Variants in BAHCC1 observed in about 807,000 individuals in gnomAD.
BAHCC1 encodes BAH domain and coiled-coil containing 1, also known as BAH and coiled-coil domain-containing protein 1.
BAHCC1 carries 43 observed loss-of-function variants against 88.2 expected under a neutral mutation model. That is an observed-to-expected ratio of 0.49 (90% CI 0.38 to 0.63). BAHCC1 has a LOEUF of 0.63. Ranked by LOEUF, BAHCC1 falls within the 20% of genes least tolerant of loss-of-function variation. The pLI is 0.00. For missense variants in BAHCC1, 3,023 were observed against 1,654.8 expected, an observed-to-expected ratio of 1.83 and a Z score of -14.34; for synonymous variants, 1,510 against 745.5, an observed-to-expected ratio of 2.03 and a Z score of -16.71.
In BAHCC1 at chr17:81,399,313, G is replaced by A. The variant is rs2063781836; in HGVS notation, c.-206-221G>A. 4 of 258,424 alleles carry A rather than the reference G, an allele frequency of 1.5e-5. No homozygotes were observed. Among genetic ancestry groups the A allele is most frequent in the South Asian group, 1.1e-4 (4 of 36,594 alleles). The allele number at this position is 258,424 out of a possible 1,614,324, so 16.0% of individuals were successfully genotyped here. A position where few individuals can be genotyped will look rare whatever the true frequency, so the allele number is the denominator to read the frequency against. On this transcript the variant is annotated intron_variant, in intron 1 of 27. Transcript: ENST00000675386. This position sits in a 1 kb window ranked among gnomAD's most constrained non-coding sequence, Gnocchi z 4.5. ...CCCCGGCTGCCCCGGGCCAAGCGTGGCCGGGACGGTGCGTGCGCGCGCGGG... is the reference window on the plus strand; with the variant it reads ...CCCCGGCTGCCCCGGGCCAAGCGTGACCGGGACGGTGCGTGCGCGCGCGGG...
intron 2 of BAHCC1, among the ~76,000 whole-genome samples, chr17:81,426,087 T>G (rs2064192779): frequency 1.4e-5 from 2 of 140,766 alleles, no homozygotes; most frequent in Non-Finnish European, 3.1e-5. Flanking sequence ...GGTGATGTGG[T>G]TGGTGGTGAT....
At chr17:81,416,392 A>T (rs1266239940) in intron 2 of BAHCC1, among the ~76,000 whole-genome samples, 1 of 96,488 alleles carries the variant, frequency 1.0e-5, no homozygotes, top group African/African-American at 4.2e-5. Flanking sequence ...GGATGGGTGT[A>T]TGCGCGTGTG....
At chr17:81,403,472 C>T (rs1339688013) in intron 2 of BAHCC1, among the ~76,000 whole-genome samples, 1 of 101,718 alleles carries the variant, frequency 9.8e-6, no homozygotes, top group African/African-American at 3.5e-5. Flanking sequence ...TGCTTCCTAC[C>T]GCCAATCTCA....
intron 3 of BAHCC1, among the ~76,000 whole-genome samples, chr17:81,427,842 C>T (rs1167454705): frequency 4.6e-5 from 7 of 152,206 alleles, no homozygotes; most frequent in Non-Finnish European, 1.0e-4. Flanking sequence ...GAGCGGCGGG[C>T]GTCGTGTTTA....
rs545122930 is a variant in BAHCC1, at chr17:81,435,342, A to G, written c.359-3028A>G. On this transcript the variant is annotated intron_variant, in intron 3 of 27. Transcript: ENST00000675386. The surrounding 1 kb of genome is among the most constrained non-coding windows in gnomAD (Gnocchi z 4.4). ...TGCAGTCTGTCCCATCACAGGACTG[A>G]GTTTGGAGTCTCCTGCCCACCGCAG... 1.8e-5 allele frequency: 8 copies of G among 436,702 alleles called. No homozygotes were observed. The highest frequency in any genetic ancestry group is 1.3e-4 in the South Asian group (8 of 62,098). 27.1% of individuals were successfully genotyped at this position (436,702 alleles called of 1,614,324 possible).
At chr17:81,409,597 G>C (rs1324028053) in intron 2 of BAHCC1, among the ~76,000 whole-genome samples, 1 of 152,212 alleles carries the variant, frequency 6.6e-6, no homozygotes, top group Admixed American at 6.5e-5. Context: ...AGAGCCAGTG[G>C]CTTCATCTGG....
At chr17:81,406,472 C>CA (rs1233961276) in intron 2 of BAHCC1, among the ~76,000 whole-genome samples, 15 of 151,976 alleles carry the variant, frequency 9.9e-5, no homozygotes, top group Middle Eastern at 3.4e-3. Flanking sequence ...GTGTAACAAG[C>CA]AAAAAAAACA....
chr17:81,456,476 G>T lies in BAHCC1; in HGVS notation c.4749G>T (p.Lys1583Asn). The change falls in exon 16 of 28, where the codon AAG becomes AAT. Residue 1583 changes from lysine to asparagine, a missense_variant. Transcript: ENST00000675386. ...TCCGGGAGAAGCTGTCCCGAGCCAA[G>T]AGTGCCAAGGTGTCTGGGGCCACAC... is the stretch of plus-strand genomic sequence containing the variant. ...GRIREKLSRAKSAKVSGATRH... is the reference protein window; with the variant it reads ...GRIREKLSRANSAKVSGATRH... 1.4e-6 allele frequency: 1 copy of T among 721,082 alleles called. No homozygotes were observed. 44.7% of individuals were successfully genotyped at this position (721,082 alleles called of 1,614,324 possible). A position where few individuals can be genotyped will look rare whatever the true frequency, so the allele number is the denominator to read the frequency against.
chr17:81,455,222 G>A (rs782771029), intron 14 of BAHCC1, 45 bp from the exon 15 acceptor site: 13 of 702,648 alleles, frequency 1.9e-5, no homozygotes, highest in Admixed American at 4.0e-5. Flanking sequence ...AGGCTGGGGC[G>A]GCCGGGCCTG....
At position 81,451,767 on chromosome 17, in the gene BAHCC1, C is replaced by T. The variant is rs879987708; in HGVS notation, c.4076C>T (p.Ala1359Val). ...VEAAGLDSSTAPAQPPTANPC... is the reference protein window; with the variant it reads ...VEAAGLDSSTVPAQPPTANPC... ...GCCGCTGGCCTGGACAGCTCCACTG[C>T]CCCAGCGCAGCCGCCCACAGCCAAC... is the stretch of plus-strand genomic sequence containing the variant. The change falls in exon 12 of 28, where the codon GCC becomes GTC. Residue 1359 changes from alanine to valine, a missense_variant. Ala to Val is a moderately conservative substitution (Grantham distance 64, BLOSUM62 0). Coordinates refer to ENST00000675386, the MANE Select transcript of BAHCC1 (RefSeq NM_001377448.1). 2.6e-6 allele frequency: 2 copies of T among 770,660 alleles called. No individual in the cohort carries two copies. Among genetic ancestry groups the T allele is most frequent in the African/African-American group, 1.7e-5 (1 of 59,110 alleles). 47.7% of individuals were successfully genotyped at this position (770,660 alleles called of 1,614,324 possible). A position where few individuals can be genotyped will look rare whatever the true frequency, so the allele number is the denominator to read the frequency against.
Position 81,411,558 on chromosome 17 carries a change from TCC to T in BAHCC1, c.178+11642_178+11643del, listed in dbSNP as rs782692974. The stretch of plus-strand genomic sequence containing the variant: ...TTCCTTCCTTCCTTCCTTCCTTCCT[TCC>T]TTCCTTCCTTCCTTGAGAGGCCTCT... On this transcript the variant is annotated intron_variant, in intron 2 of 27. Coordinates refer to ENST00000675386, the MANE Select transcript of BAHCC1 (RefSeq NM_001377448.1). The surrounding 1 kb of genome is among the most constrained non-coding windows in gnomAD (Gnocchi z 6.2). 6.6e-5 allele frequency: 27 copies of T among 409,148 alleles called. 1 individual carries two copies. Among genetic ancestry groups the T allele is most frequent in the South Asian group, 4.5e-4 (26 of 58,372 alleles). 25.3% of individuals were successfully genotyped at this position (409,148 alleles called of 1,614,324 possible).
chr17:81,417,002 C>T (rs551921203), intron 2 of BAHCC1, among the ~76,000 whole-genome samples: 15 of 152,286 alleles, frequency 9.8e-5, no homozygotes, highest in African/African-American at 2.6e-4. Flanking sequence ...CCTGCATGTC[C>T]ACAGCTAGAC....
In BAHCC1 at chr17:81,416,086, GC is replaced by G. The variant is rs1343904571; in HGVS notation, c.179-10713del. 2.7e-5 allele frequency among the ~76,000 whole-genome samples: 4 copies of G among 150,772 alleles called. No individual in the cohort carries two copies. In the East Asian group the frequency reaches 7.9e-4, roughly 30 times the overall value. ...TGAGGATGGGTGTATGTGCGTGTGT[GC>G]GTGTGTGTCCATGAGGATGGGTGTG... On this transcript the variant is annotated intron_variant, in intron 2 of 27. Transcript: ENST00000675386.
At chr17:81,448,051 C>T (rs2064566938) in intron 11 of BAHCC1, among the ~76,000 whole-genome samples, 1 of 152,240 alleles carries the variant, frequency 6.6e-6, no homozygotes, top group South Asian at 2.1e-4. Context: ...CCGAATCTCT[C>T]CGTCCCAGGT....
chr17:81,460,419 G>A, intron 24 of BAHCC1, 23 bp downstream of exon 24: 1 of 743,860 alleles, frequency 1.3e-6, no homozygotes. Context: ...GCTGCACGGG[G>A]CAGGGCCCTG....
At position 81,438,460 on chromosome 17, in the gene BAHCC1, A is replaced by G. The variant is rs782394986; in HGVS notation, c.449A>G (p.Tyr150Cys). Residue 150 changes from tyrosine to cysteine, a missense_variant, in exon 4 of 28, where the codon TAT becomes TGT. Transcript: ENST00000675386. ...CACCATGGAAACAGCAACGTTCTCT[A>G]TGGGCAGCACCGTTTCTATGGAACC... Reference protein sequence around the residue: ...LDHHGNSNVLYGQHRFYGTQK... With the variant: ...LDHHGNSNVLCGQHRFYGTQK... 3.9e-6 allele frequency: 3 copies of G among 775,480 alleles called. No individual in the cohort carries two copies. The highest frequency in any genetic ancestry group is 1.7e-5 in the African/African-American group (1 of 59,154). The allele number at this position is 775,480 out of a possible 1,614,324, so 48.0% of individuals were successfully genotyped here. A position where few individuals can be genotyped will look rare whatever the true frequency, so the allele number is the denominator to read the frequency against.
At chr17:81,408,846 G>C (rs1403758122) in intron 2 of BAHCC1, among the ~76,000 whole-genome samples, 1 of 152,206 alleles carries the variant, frequency 6.6e-6, no homozygotes, top group Non-Finnish European at 1.5e-5. Context: ...GCAGGCTCCT[G>C]AGTCTGGGGG....
chr17:81,427,511 A>G (rs1167763976), intron 3 of BAHCC1, among the ~76,000 whole-genome samples: 1 of 152,146 alleles, frequency 6.6e-6, no homozygotes, highest in Admixed American at 6.5e-5. Context: ...TGCCTCGCGA[A>G]TACTGGCTAC....
At chr17:81,432,959 T>C (rs2064286680) in intron 3 of BAHCC1, among the ~76,000 whole-genome samples, 1 of 131,486 alleles carries the variant, frequency 7.6e-6, no homozygotes, top group African/African-American at 2.9e-5. Flanking sequence ...GGTTGGTGCC[T>C]GGATCCTGGG....
Sources: allele counts gnomAD v4.1 joint callset (sites outside exome capture counted in the v4.1 genomes callset), GRCh38; gene constraint gnomAD v4.1.1; non-coding constraint Gnocchi (gnomAD v3.1); transcripts MANE v1.5; gene names NCBI Gene and HGNC (gene_info 2026-07-23, HGNC 2026-07-21).